Variants in RBM47 observed in about 807,000 individuals in gnomAD.
The protein encoded by RBM47 is RNA-binding protein 47.
A neutral mutation model predicts 47.1 loss-of-function variants in RBM47; 21 were observed. That is an observed-to-expected ratio of 0.45 (90% CI 0.32 to 0.64). RBM47 has a LOEUF of 0.64. RBM47 is among the 30% of genes least tolerant of loss of function. RBM47 has a pLI of 0.05. For synonymous variants in RBM47, 375 were observed against 361.7 expected (o/e 1.04, Z -0.42); for missense variants, 708 against 870.9 (o/e 0.81, Z 2.35).
chr4:40,492,224 G>C (rs1353595295), intron 2 of RBM47, among the ~76,000 whole-genome samples: 3 of 151,978 alleles, frequency 2.0e-5, no homozygotes, highest in Non-Finnish European at 4.4e-5. Flanking sequence ...CAAAAACATA[G>C]CCAGGCCTGG....
chr4:40,562,822 T>C (rs1312982316), intron 1 of RBM47, among the ~76,000 whole-genome samples: 2 of 152,330 alleles, frequency 1.3e-5, no homozygotes, highest in African/African-American at 4.8e-5. Context: ...ACTTGTTTCA[T>C]TGATAATATA....
intron 2 of RBM47, among the ~76,000 whole-genome samples, chr4:40,530,301 A>T (rs112375919): frequency 1.3e-4 from 20 of 150,310 alleles, no homozygotes; most frequent in African/African-American, 4.7e-4. Context: ...AATTATTATT[A>T]TTTTTCTTCT....
chr4:40,575,003 T>C (rs997207825), intron 1 of RBM47, among the ~76,000 whole-genome samples: 1 of 152,206 alleles, frequency 6.6e-6, no homozygotes. Context: ...TAGTTTTCAA[T>C]TGGGAACCAT....
At chr4:40,561,515 T>G (rs1429961617) in intron 1 of RBM47, among the ~76,000 whole-genome samples, 3 of 150,848 alleles carry the variant, frequency 2.0e-5, no homozygotes, top group Non-Finnish European at 4.4e-5. Context: ...TAAGCCACTG[T>G]GCCCAACTTC....
At chr4:40,471,454 T>C (rs1388474807) in intron 2 of RBM47, among the ~76,000 whole-genome samples, 3 of 152,060 alleles carry the variant, frequency 2.0e-5, no homozygotes, top group Non-Finnish European at 4.4e-5. Flanking sequence ...TCCCAGCACT[T>C]TGGGAGGCCA....
chr4:40,538,187 A>C (rs1329123776), intron 2 of RBM47, among the ~76,000 whole-genome samples: 2 of 152,198 alleles, frequency 1.3e-5, no homozygotes, highest in East Asian at 3.8e-4. Flanking sequence ...AGGAAAGAAA[A>C]GGGAGAGGTC....
chr4:40,583,418 A>G (rs1733183093), intron 1 of RBM47, among the ~76,000 whole-genome samples: 1 of 149,058 alleles, frequency 6.7e-6, no homozygotes, highest in African/African-American at 2.5e-5. Flanking sequence ...AAAAAAAGGG[A>G]AACAGAAGCT....
intron 1 of RBM47, among the ~76,000 whole-genome samples, chr4:40,545,853 C>T (rs1164469340): frequency 6.6e-6 from 1 of 151,926 alleles, no homozygotes; most frequent in African/African-American, 2.4e-5. Flanking sequence ...CTCTGAACCT[C>T]TGAGTTTTTC....
chr4:40,512,714 CAAAA>C (rs542452466), intron 2 of RBM47, among the ~76,000 whole-genome samples: 1 of 43,334 alleles, frequency 2.3e-5, no homozygotes, highest in Non-Finnish European at 5.2e-5. Context: ...GACTTCATCT[CAAAA>C]AAAAAAAAAA....
At chr4:40,580,788 A>G (rs1469401674) in intron 1 of RBM47, among the ~76,000 whole-genome samples, 3 of 152,244 alleles carry the variant, frequency 2.0e-5, no homozygotes, top group East Asian at 1.9e-4. Context: ...AGACAGTGGT[A>G]AAAGTTGTGA....
At chr4:40,509,133 C>A (rs1029612299) in intron 2 of RBM47, among the ~76,000 whole-genome samples, 1 of 151,196 alleles carries the variant, frequency 6.6e-6, no homozygotes, top group African/African-American at 2.4e-5. Flanking sequence ...GCACTCCAGC[C>A]TGGGCAACAG....
At chr4:40,551,230 C>A (rs1729532401) in intron 1 of RBM47, among the ~76,000 whole-genome samples, 1 of 152,262 alleles carries the variant, frequency 6.6e-6, no homozygotes. Flanking sequence ...ACGGTGGCCA[C>A]AAAATACATA....
intron 2 of RBM47, among the ~76,000 whole-genome samples, chr4:40,473,932 CAT>C (rs1393412545): frequency 6.6e-6 from 1 of 152,186 alleles, no homozygotes; most frequent in Admixed American, 6.5e-5. Context: ...TGAATCTTTA[CAT>C]ATGATTCACA....
chr4:40,614,042 C>T (rs1009140075), intron 1 of RBM47, among the ~76,000 whole-genome samples: 4 of 151,942 alleles, frequency 2.6e-5, no homozygotes, highest in African/African-American at 4.8e-5. Flanking sequence ...CCAGACATTA[C>T]CAAATGTTCC....
intron 6 of RBM47, among the ~76,000 whole-genome samples, chr4:40,431,474 C>T (rs943151833): frequency 5.3e-5 from 8 of 151,974 alleles, no homozygotes; most frequent in African/African-American, 1.2e-4. Context: ...CTGGCTGACA[C>T]GGTGAAACCC....
intron 1 of RBM47, among the ~76,000 whole-genome samples, chr4:40,568,546 C>T (rs920341200): frequency 6.6e-5 from 10 of 150,774 alleles, no homozygotes; most frequent in Non-Finnish European, 1.0e-4. Flanking sequence ...ACATGTTGCC[C>T]TCCAAAAACA....
At chr4:40,466,265 CAAAAAAAAAA>C (rs55805915) in intron 3 of RBM47, among the ~76,000 whole-genome samples, 1 of 91,664 alleles carries the variant, frequency 1.1e-5, no homozygotes, top group African/African-American at 4.1e-5. Flanking sequence ...GAGACTGTCT[CAAAAAAAAAA>C]AAAAAAAAAA....
chr4:40,551,649 CTTTTT>C (rs59601849), intron 1 of RBM47, among the ~76,000 whole-genome samples: 1 of 134,644 alleles, frequency 7.4e-6, no homozygotes, highest in Non-Finnish European at 1.6e-5. Context: ...GCGTACTTTT[CTTTTT>C]TTTTTTTTTT....
At chr4:40,528,949 A>AAAAAAAAATAAAT (rs1553896751) in intron 2 of RBM47, among the ~76,000 whole-genome samples, 1 of 88,596 alleles carries the variant, frequency 1.1e-5, no homozygotes, top group African/African-American at 4.9e-5. Context: ...TCTCAAAAAA[A>AAAAAAAAATAAAT]AAATAAATAA....
Sources: allele counts gnomAD v4.1 joint callset (sites outside exome capture counted in the v4.1 genomes callset), GRCh38; gene constraint gnomAD v4.1.1; transcripts MANE v1.5; gene names NCBI Gene and HGNC (gene_info 2026-07-23, HGNC 2026-07-21).